The following CLINT1 variants were observed in gnomAD, a reference collection of about 807,000 sequenced individuals.
CLINT1 encodes clathrin interactor 1.
CLINT1 carries 15 observed loss-of-function variants against 70.4 expected under a neutral mutation model. That is an observed-to-expected ratio of 0.21 (90% CI 0.14 to 0.33). The LOEUF is 0.33. Among genes scored for constraint, CLINT1 ranks in the 10% least tolerant of loss-of-function variants. CLINT1 has a pLI of 1.00. For missense variants in CLINT1, 615 were observed against 778.1 expected (o/e 0.79, Z 2.49); for synonymous variants, 227 against 254.7 (o/e 0.89, Z 1.04).
intron 5 of CLINT1, among the ~76,000 whole-genome samples, chr5:157,811,750 T>C (rs540674312): frequency 2.7e-4 from 41 of 152,228 alleles, no homozygotes; most frequent in African/African-American, 9.4e-4. Context: ...TATAATTATA[T>C]ATCATGCTGG....
chr5:157,844,209 G>C (rs1010254038), intron 1 of CLINT1, among the ~76,000 whole-genome samples: 7 of 151,972 alleles, frequency 4.6e-5, no homozygotes, highest in African/African-American at 1.7e-4. Flanking sequence ...CTGAAATTTT[G>C]AAGACCTTTA....
At chr5:157,812,597 TAAAG>T (rs1165233820) in intron 5 of CLINT1, among the ~76,000 whole-genome samples, 6 of 152,186 alleles carry the variant, frequency 3.9e-5, no homozygotes, top group Admixed American at 1.3e-4. Flanking sequence ...AATGCTTAAA[TAAAG>T]AAAGAGAGAC....
chr5:157,851,234 G>C (rs1474324247), intron 1 of CLINT1, among the ~76,000 whole-genome samples: 2 of 152,090 alleles, frequency 1.3e-5, no homozygotes, highest in African/African-American at 4.8e-5. Context: ...GAGAATTCTT[G>C]AATGAAACAT....
intron 1 of CLINT1, among the ~76,000 whole-genome samples, chr5:157,829,972 A>G (rs1332523192): frequency 9.9e-5 from 15 of 151,848 alleles, no homozygotes; most frequent in Non-Finnish European, 1.9e-4. Flanking sequence ...CTTTAGAGAC[A>G]GGGTCTTGCT....
At position 157,787,557 on chromosome 5, in the gene CLINT1, A is replaced by G; in HGVS notation, c.*89T>C. On this transcript the variant is annotated 3_prime_UTR_variant, in exon 12 of 12. Coordinates refer to ENST00000411809, the MANE Select transcript of CLINT1 (RefSeq NM_014666.4). ...ATTTATTTTAATTACTTGATAAAAG[A>G]AAGGGTAGTTGATTAGCATTTTCCA... The G allele has an allele frequency of 9.7e-7, 1 of 1,032,924 alleles. No homozygotes were observed. The allele number at this position is 1,032,924 out of a possible 1,614,324, so 64.0% of individuals were successfully genotyped here.
At chr5:157,845,712 C>A (rs557420821) in intron 1 of CLINT1, among the ~76,000 whole-genome samples, 3 of 152,012 alleles carry the variant, frequency 2.0e-5, no homozygotes, top group Admixed American at 6.5e-5. Flanking sequence ...CCACCACGCC[C>A]GGCTAATTTT....
intron 1 of CLINT1, among the ~76,000 whole-genome samples, chr5:157,830,796 C>CTCTCTCTCTCTCTATA (rs1300619885): frequency 1.2e-5 from 1 of 85,718 alleles, no homozygotes; most frequent in Non-Finnish European, 2.1e-5. Flanking sequence ...CTCTCTCTCT[C>CTCTCTCTCTCTCTATA]TATATATATA....
At position 157,789,472 on chromosome 5, in the gene CLINT1, G is replaced by A. The variant is rs1341819357; in HGVS notation, c.1422C>T (p.Pro474=). ...TTACACTGGGGTCAGACCAAGTAGA[G>A]GGCAAGGTTTTGCTGACTGATTTCT... ...MVQKSVSKTL[P]STWSDPSVNI... is the part of the protein sequence containing the mutation. The change falls in exon 11 of 12, where the codon CCC becomes CCT. Residue 474 remains proline (P), a synonymous_variant. Transcript: ENST00000411809. The A allele has an allele frequency of 4.3e-6, 7 of 1,613,786 alleles. No homozygotes were observed. The African/African-American group carries it at 6.7e-5, about 15-fold the overall frequency.
At chr5:157,838,726 T>C (rs1763517236) in intron 1 of CLINT1, among the ~76,000 whole-genome samples, 1 of 152,200 alleles carries the variant, frequency 6.6e-6, no homozygotes, top group South Asian at 2.1e-4. Context: ...GGTGAAAGGC[T>C]GTAACAAGAA....
At chr5:157,794,373 C>G (rs1306516402) in intron 9 of CLINT1, among the ~76,000 whole-genome samples, 1 of 151,954 alleles carries the variant, frequency 6.6e-6, no homozygotes. Context: ...TTTTAAAATT[C>G]TATTCTAATA....
intron 6 of CLINT1, chr5:157,809,244 ATACAG>A (rs1685357745): frequency 1.2e-5 from 2 of 163,228 alleles, no homozygotes; most frequent in African/African-American, 2.4e-5. Context: ...ATTCTATACA[ATACAG>A]TAATGAGGAA....
At chr5:157,854,452 AG>A (rs1448358473) in intron 1 of CLINT1, among the ~76,000 whole-genome samples, 1 of 152,152 alleles carries the variant, frequency 6.6e-6, no homozygotes, top group Non-Finnish European at 1.5e-5. Flanking sequence ...CCACGCATGG[AG>A]GCGCAGCTGT....
At chr5:157,823,338 C>A (rs1339424923) in intron 1 of CLINT1, among the ~76,000 whole-genome samples, 1 of 152,042 alleles carries the variant, frequency 6.6e-6, no homozygotes, top group African/African-American at 2.4e-5. Context: ...CTACTAAAGG[C>A]CATTAAAAAT....
intron 1 of CLINT1, among the ~76,000 whole-genome samples, chr5:157,843,345 AAAC>A (rs1753256434): frequency 6.6e-6 from 1 of 152,240 alleles, no homozygotes; most frequent in African/African-American, 2.4e-5. Context: ...AATAATTTAC[AAAC>A]AACAAGCATC....
intron 1 of CLINT1, among the ~76,000 whole-genome samples, chr5:157,847,563 C>T (rs973349706): frequency 6.6e-6 from 1 of 151,986 alleles, no homozygotes; most frequent in Non-Finnish European, 1.5e-5. Flanking sequence ...TTACAGGAGT[C>T]TGGAAGTTGA....
intron 8 of CLINT1, among the ~76,000 whole-genome samples, chr5:157,798,079 T>G (rs1762115595): frequency 6.6e-6 from 1 of 152,210 alleles, no homozygotes; most frequent in African/African-American, 2.4e-5. Flanking sequence ...AAATGTGATC[T>G]TCAACTTTGA....
At chr5:157,838,172 G>C (rs1190646173) in intron 1 of CLINT1, among the ~76,000 whole-genome samples, 2 of 149,232 alleles carry the variant, frequency 1.3e-5, no homozygotes, top group African/African-American at 2.5e-5. Flanking sequence ...CCAGGGGCTG[G>C]AGTGCAGTGG....
intron 1 of CLINT1, among the ~76,000 whole-genome samples, chr5:157,828,569 T>A (rs1315784944): frequency 6.6e-6 from 1 of 152,160 alleles, no homozygotes; most frequent in Non-Finnish European, 1.5e-5. Flanking sequence ...TGGTAATAAC[T>A]AGAGTGGGTT....
At chr5:157,828,539 T>C (rs1212695044) in intron 1 of CLINT1, among the ~76,000 whole-genome samples, 1 of 152,044 alleles carries the variant, frequency 6.6e-6, no homozygotes, top group East Asian at 1.9e-4. Flanking sequence ...AAAAACCATA[T>C]GAAAACAGCT....
Sources: allele counts gnomAD v4.1 joint callset (sites outside exome capture counted in the v4.1 genomes callset), GRCh38; gene constraint gnomAD v4.1.1; transcripts MANE v1.5; gene names NCBI Gene and HGNC (gene_info 2026-07-23, HGNC 2026-07-21).